FAM72B: variants seen among roughly 807,000 people sequenced by gnomAD.
The protein encoded by FAM72B is RUMY family member 2.
Under a neutral mutation model 12.6 loss-of-function variants are expected in FAM72B, and 4 were observed. The observed-to-expected ratio is 0.32, with a 90% CI of 0.16 to 0.73. The LOEUF (loss-of-function observed/expected upper bound fraction) is 0.73. FAM72B is among the 30% of genes least tolerant of loss of function. FAM72B has a pLI of 0.67. For missense variants in FAM72B, 61 were observed against 158.4 expected, an observed-to-expected ratio of 0.39 and a Z score of 3.30; for synonymous variants, 13 against 53.9, an observed-to-expected ratio of 0.24 and a Z score of 3.32.
chr1:121,176,181 CTTTT>C (rs1654208819), intron 3 of FAM72B, among the ~76,000 whole-genome samples: 1 of 143,670 alleles, frequency 7.0e-6, no homozygotes, highest in African/African-American at 2.5e-5. Context: ...ATTTTTTTTT[CTTTT>C]TTGAGACAGG....
intron 2 of FAM72B, among the ~76,000 whole-genome samples, chr1:121,180,600 C>T (rs1343906938): frequency 6.6e-5 from 10 of 150,680 alleles, no homozygotes; most frequent in Admixed American, 6.6e-4. Flanking sequence ...TGGCTCATAC[C>T]TGTAATCCCA....
At position 121,168,682 on chromosome 1, in the gene FAM72B, T is replaced by A; in HGVS notation, c.*59A>T. 8.0e-7 allele frequency: 1 copy of A among 1,256,054 alleles called. No individual in the cohort carries two copies. Among genetic ancestry groups the A allele is most frequent in the South Asian group, 2.1e-5 (1 of 47,468 alleles). 77.8% of individuals were successfully genotyped at this position (1,256,054 alleles called of 1,614,324 possible). A position where few individuals can be genotyped will look rare whatever the true frequency, so the allele number is the denominator to read the frequency against. On this transcript the variant is annotated 3_prime_UTR_variant, in exon 4 of 4. Coordinates refer to ENST00000369390, the MANE Select transcript of FAM72B (RefSeq NM_001100910.2). ...TGGCAACTAACAATTTTAAAGTTGATCCATTAATATATTTTTAAATAGAAA... is the reference window on the plus strand; with the variant it reads ...TGGCAACTAACAATTTTAAAGTTGAACCATTAATATATTTTTAAATAGAAA...
rs1654028333 is a variant in FAM72B, at chr1:121,168,835, C to T, written c.356G>A (p.Gly119Asp). ...VYDINRLDST[G>D]VNILLWGNLP... ...GTTGCCCCAAAGTAGGATGTTTACA[C>T]CTGAAAATAAAAAATCATAAAATTC... is the stretch of plus-strand genomic sequence containing the variant. Residue 119 changes from glycine (G) to aspartate (D), a missense_variant and splice_region_variant, in exon 4 of 4, where the codon GGT becomes GAT. Gly to Asp is a moderately conservative substitution (Grantham distance 94, BLOSUM62 -1). Around this residue, in one of 2 missense-constraint regions of FAM72B, gnomAD observed 49 missense variants for 80.4 expected, o/e 0.61. Transcript: ENST00000369390. 6.2e-7 allele frequency: 1 copy of T among 1,605,306 alleles called. No homozygotes were observed. Among genetic ancestry groups the T allele is most frequent in the East Asian group, 2.2e-5 (1 of 44,768 alleles).
chr1:121,180,372 T>C (rs1269401357), intron 2 of FAM72B, among the ~76,000 whole-genome samples: 1 of 119,620 alleles, frequency 8.4e-6, no homozygotes, highest in East Asian at 2.2e-4. Flanking sequence ...AGAAATCCTG[T>C]CTCTACTAAA....
chr1:121,172,825 T>C (rs1290989480), intron 3 of FAM72B, among the ~76,000 whole-genome samples: 1 of 129,682 alleles, frequency 7.7e-6, no homozygotes, highest in African/African-American at 3.2e-5. Context: ...TGTAATCCCA[T>C]GTAATCCCAG....
intron 3 of FAM72B, among the ~76,000 whole-genome samples, chr1:121,176,747 A>T (rs1654222610): frequency 6.6e-6 from 1 of 151,712 alleles, no homozygotes; most frequent in South Asian, 2.1e-4. Flanking sequence ...ATTAACATAG[A>T]TGTCGAAATG....
At chr1:121,179,427 G>C (rs1654282904) in intron 2 of FAM72B, among the ~76,000 whole-genome samples, 1 of 147,512 alleles carries the variant, frequency 6.8e-6, no homozygotes. Flanking sequence ...GCTCACACCT[G>C]TAATCTCACA....
Position 121,183,538 on chromosome 1 carries a change from G to A in FAM72B, c.-49C>T, listed in dbSNP as rs782106382. On this transcript the variant is annotated 5_prime_UTR_variant, in exon 1 of 4. Coordinates refer to ENST00000369390, the MANE Select transcript of FAM72B (RefSeq NM_001100910.2). ...TGGGATTTTGAAAAAGGAAACAAGAGTAATGCTCCTACTATTTTGATTCCC... is the reference window on the plus strand; with the variant it reads ...TGGGATTTTGAAAAAGGAAACAAGAATAATGCTCCTACTATTTTGATTCCC... The A allele has an allele frequency of 1.2e-6, 2 of 1,604,106 alleles. No individual in the cohort carries two copies. The highest frequency in any genetic ancestry group is 1.7e-6 in the Non-Finnish European group (2 of 1,176,140).
At chr1:121,175,321 T>C (rs1654192668) in intron 3 of FAM72B, among the ~76,000 whole-genome samples, 1 of 152,072 alleles carries the variant, frequency 6.6e-6, no homozygotes, top group Non-Finnish European at 1.5e-5. Context: ...ACCTAGTCAC[T>C]CAAGAGCTCT....
intron 2 of FAM72B, among the ~76,000 whole-genome samples, chr1:121,180,880 C>T (rs1180399259): frequency 6.6e-6 from 1 of 152,094 alleles, no homozygotes; most frequent in African/African-American, 2.4e-5. Context: ...GGAGTAATAA[C>T]CTAGAAATTA....
At chr1:121,180,371 G>A (rs1361467072) in intron 2 of FAM72B, among the ~76,000 whole-genome samples, 1 of 117,612 alleles carries the variant, frequency 8.5e-6, no homozygotes, top group Non-Finnish European at 1.7e-5. Context: ...GAGAAATCCT[G>A]TCTCTACTAA....
At chr1:121,169,970 T>TC (rs1277855930) in intron 3 of FAM72B, among the ~76,000 whole-genome samples, 1 of 151,344 alleles carries the variant, frequency 6.6e-6, no homozygotes, top group Non-Finnish European at 1.5e-5. Context: ...GAAAAGCAAA[T>TC]CTTTTTTTTT....
chr1:121,179,631 C>A (rs2101332218), intron 2 of FAM72B, among the ~76,000 whole-genome samples: 1 of 152,108 alleles, frequency 6.6e-6, no homozygotes, highest in African/African-American at 2.4e-5. Context: ...AGTTTGAGAG[C>A]AGCCTGGGCA....
Position 121,184,302 on chromosome 1 carries a change from C to A in FAM72B, c.-813G>T. On this transcript the variant is annotated 5_prime_UTR_variant, in exon 1 of 4. Coordinates refer to ENST00000369390, the MANE Select transcript of FAM72B (RefSeq NM_001100910.2). ...GTCGGCGCTGGGGTCTGTCACCGAA[C>A]ACGTTGGTTTTCGCTCCCTCTTCCG... 1 of 148,662 alleles carries A rather than the reference C, an allele frequency of 6.7e-6. No homozygotes were observed. Among genetic ancestry groups the A allele is most frequent in the Non-Finnish European group, 1.5e-5 (1 of 67,460 alleles). The allele number at this position is 148,662 out of a possible 1,614,324, so 9.2% of individuals were successfully genotyped here. A position where few individuals can be genotyped will look rare whatever the true frequency, so the allele number is the denominator to read the frequency against.
At chr1:121,181,170 TA>T (rs1447007526) in intron 2 of FAM72B, 100 bp downstream of exon 2, 10 of 475,110 alleles carry the variant, frequency 2.1e-5, no homozygotes, top group Non-Finnish European at 3.8e-6. Flanking sequence ...TTGCATGCTT[TA>T]TACCAGTCCT....
chr1:121,180,584 ATGCAG>A (rs1403550650), intron 2 of FAM72B, among the ~76,000 whole-genome samples: 1 of 149,440 alleles, frequency 6.7e-6, no homozygotes, highest in Non-Finnish European at 1.5e-5. Context: ...TTAAGGTAGG[ATGCAG>A]TGGCTCATAC....
intron 3 of FAM72B, among the ~76,000 whole-genome samples, chr1:121,174,534 A>T (rs1387441924): frequency 6.8e-6 from 1 of 147,922 alleles, no homozygotes; most frequent in South Asian, 2.1e-4. Flanking sequence ...TGCCCAGCTA[A>T]TTTTGTATTT....
chr1:121,171,864 C>T (rs1397399085), intron 3 of FAM72B, among the ~76,000 whole-genome samples: 4 of 84,692 alleles, frequency 4.7e-5, no homozygotes, highest in African/African-American at 2.2e-4. Flanking sequence ...ATCAAATCTA[C>T]AAAAATCTAA....
In FAM72B at chr1:121,168,630, C is replaced by T. The variant is rs1174216628; in HGVS notation, c.*111G>A. 3 of 991,696 alleles carry T rather than the reference C, an allele frequency of 3.0e-6. No homozygotes were observed. The highest frequency in any genetic ancestry group is 5.8e-5 in the East Asian group (2 of 34,402). 61.4% of individuals were successfully genotyped at this position (991,696 alleles called of 1,614,324 possible). ...GAAAATAAATAAATCAACAAATGCCCCATTTTTGTTTTCCAAAAAAGATCA... is the reference window on the plus strand; with the variant it reads ...GAAAATAAATAAATCAACAAATGCCTCATTTTTGTTTTCCAAAAAAGATCA... On this transcript the variant is annotated 3_prime_UTR_variant, in exon 4 of 4. Transcript: ENST00000369390.
Sources: gnomAD v4.1 joint callset for allele counts (sites outside exome capture counted in the v4.1 genomes callset) on GRCh38, gnomAD v4.1.1 for gene constraint, gnomAD v4.1.1 regional missense constraint, MANE v1.5 for transcripts, NCBI Gene and HGNC (gene_info 2026-07-23, HGNC 2026-07-21) for gene names.